IL1RAPL2: variants seen among roughly 807,000 people sequenced by gnomAD.
IL1RAPL2 encodes the protein X-linked interleukin-1 receptor accessory protein-like 2.
Under a neutral mutation model 44.1 loss-of-function variants are expected in IL1RAPL2, and 3 were observed. The observed-to-expected ratio is 0.07, with a 90% CI of 0.03 to 0.18. IL1RAPL2 has a LOEUF of 0.18. Among genes scored for constraint, IL1RAPL2 ranks in the 10% least tolerant of loss-of-function variants. The probability of loss-of-function intolerance (pLI) is 1.00; values close to 1 mark genes in which losing one functional copy is unlikely to be tolerated. For missense variants in IL1RAPL2, 391 were observed against 496.4 expected (o/e 0.79, Z 2.02); for synonymous variants, 181 against 178.8 (o/e 1.01, Z -0.10).
At chrX:105,149,472 T>C (rs2033206747) in intron 2 of IL1RAPL2, among the ~76,000 whole-genome samples, 1 of 111,768 alleles carries the variant, frequency 8.9e-6, no homozygotes, top group African/African-American at 3.3e-5. Context: ...GGGGTAGTAA[T>C]AATAGTACCT....
intron 2 of IL1RAPL2, among the ~76,000 whole-genome samples, chrX:104,917,364 T>A (rs1199735394): frequency 1.8e-5 from 2 of 112,098 alleles, no homozygotes; most frequent in African/African-American, 6.5e-5. Flanking sequence ...ATTTCTGATG[T>A]TATAATGTTC....
At chrX:105,105,960 T>C (rs2032736497) in intron 2 of IL1RAPL2, among the ~76,000 whole-genome samples, 2 of 111,276 alleles carry the variant, frequency 1.8e-5, no homozygotes, top group African/African-American at 3.3e-5. Context: ...GGAAGAGAAG[T>C]AGCCCAAAAG....
intron 6 of IL1RAPL2, among the ~76,000 whole-genome samples, chrX:105,627,638 A>G (rs1415291211): frequency 8.9e-6 from 1 of 112,080 alleles, no homozygotes; most frequent in African/African-American, 3.2e-5. Context: ...TTAAGAATTT[A>G]TGTTGTTACT....
intron 2 of IL1RAPL2, among the ~76,000 whole-genome samples, chrX:104,771,237 T>C (rs926361146): frequency 2.7e-5 from 3 of 111,545 alleles, no homozygotes; most frequent in African/African-American, 6.6e-5. Flanking sequence ...ACATACCTTC[T>C]ATTTTACCAG....
intron 5 of IL1RAPL2, among the ~76,000 whole-genome samples, chrX:105,285,412 C>T (rs1219039027): frequency 8.9e-6 from 1 of 112,087 alleles, no homozygotes; most frequent in Admixed American, 9.5e-5. Context: ...TTGGAGATGT[C>T]TTTTTAAATT....
intron 2 of IL1RAPL2, among the ~76,000 whole-genome samples, chrX:105,164,656 A>T (rs1280817658): frequency 8.9e-6 from 1 of 112,121 alleles, no homozygotes; most frequent in South Asian, 3.7e-4. Context: ...TTCATGCTCT[A>T]TATCTGCTAT....
intron 2 of IL1RAPL2, among the ~76,000 whole-genome samples, chrX:104,700,883 A>T (rs950477970): frequency 8.9e-6 from 1 of 111,860 alleles, no homozygotes; most frequent in African/African-American, 3.3e-5. Context: ...GTCATAACTA[A>T]AGCTTGTCAG....
intron 5 of IL1RAPL2, among the ~76,000 whole-genome samples, chrX:105,461,424 G>T (rs1000304477): frequency 9.0e-6 from 1 of 111,092 alleles, no homozygotes; most frequent in African/African-American, 3.3e-5. Flanking sequence ...AAATCTATTT[G>T]GTTTAGAGTT....
intron 2 of IL1RAPL2, among the ~76,000 whole-genome samples, chrX:104,894,207 G>A (rs1244793154): frequency 9.0e-6 from 1 of 111,508 alleles, no homozygotes; most frequent in African/African-American, 3.3e-5. Context: ...CTCTCTGGCT[G>A]CCCTTAACAT....
intron 2 of IL1RAPL2, among the ~76,000 whole-genome samples, chrX:104,967,253 G>A (rs898063024): frequency 1.8e-5 from 2 of 111,073 alleles, no homozygotes; most frequent in African/African-American, 6.5e-5. Context: ...TAAATAACAA[G>A]GGGATTATTT....
In IL1RAPL2 at chrX:105,542,729, TTAATTTA is replaced by T. The variant is rs1453997082; in HGVS notation, c.772+58344_772+58350del. ...TTTATTTATTTATTTATTTATTTAT[TTAATTTA>T]TTATTTTTTTTTTTTGAGACGGAGT... On this transcript the variant is annotated intron_variant, in intron 6 of 10. Transcript: ENST00000372582. 8.0e-4 allele frequency among the ~76,000 whole-genome samples: 45 copies of T among 56,417 alleles called. 1 individual carries two copies. The highest frequency in any genetic ancestry group is 1.0e-3 in the Non-Finnish European group (21 of 20,520). The allele number at this position is 56,417 out of a possible 115,157, so 49.0% of individuals were successfully genotyped here.
At chrX:105,578,054 A>G (rs1306758202) in intron 6 of IL1RAPL2, among the ~76,000 whole-genome samples, 5 of 68,476 alleles carry the variant, frequency 7.3e-5, no homozygotes, top group Non-Finnish European at 1.3e-4. Context: ...ACAACAGTCC[A>G]CAGAGTGTGA....
chrX:105,268,711 T>G (rs188379462), intron 5 of IL1RAPL2, among the ~76,000 whole-genome samples: 2 of 111,029 alleles, frequency 1.8e-5, no homozygotes, highest in East Asian at 5.7e-4. Flanking sequence ...GAGTTTGCAG[T>G]GAGCTGAAAT....
intron 2 of IL1RAPL2, among the ~76,000 whole-genome samples, chrX:104,751,760 T>C (rs1251980392): frequency 9.0e-6 from 1 of 111,281 alleles, no homozygotes; most frequent in Admixed American, 9.6e-5. Flanking sequence ...TTTTACATTT[T>C]CCACAAGGAG....
At chrX:105,499,917 G>A (rs770820061) in intron 6 of IL1RAPL2, among the ~76,000 whole-genome samples, 2 of 111,713 alleles carry the variant, frequency 1.8e-5, no homozygotes, top group South Asian at 7.4e-4. Flanking sequence ...GCCAAGATGT[G>A]GAAACAACCT....
chrX:105,286,965 T>C (rs2034576944), intron 5 of IL1RAPL2, among the ~76,000 whole-genome samples: 1 of 111,973 alleles, frequency 8.9e-6, no homozygotes, highest in Non-Finnish European at 1.9e-5. Flanking sequence ...ATATCTGTGC[T>C]CCTATTATAT....
chrX:105,622,176 TG>T (rs751531849), intron 6 of IL1RAPL2, among the ~76,000 whole-genome samples: 2 of 109,772 alleles, frequency 1.8e-5, no homozygotes, highest in East Asian at 5.8e-4. Flanking sequence ...GACAATTAAA[TG>T]TTTTAAAGTA....
At chrX:104,899,099 G>A (rs1172799793) in intron 2 of IL1RAPL2, among the ~76,000 whole-genome samples, 1 of 111,767 alleles carries the variant, frequency 8.9e-6, no homozygotes, top group Non-Finnish European at 1.9e-5. Flanking sequence ...AGCACTACCT[G>A]AGCCATACAT....
chrX:105,232,406 G>C (rs1200831874), intron 3 of IL1RAPL2, among the ~76,000 whole-genome samples: 1 of 112,070 alleles, frequency 8.9e-6, no homozygotes, highest in Non-Finnish European at 1.9e-5. Context: ...TTATTACTCA[G>C]TTATAAAGCA....
Sources: gnomAD v4.1 joint callset for allele counts (sites outside exome capture counted in the v4.1 genomes callset) on GRCh38, gnomAD v4.1.1 for gene constraint, MANE v1.5 for transcripts, NCBI Gene and HGNC (gene_info 2026-07-23, HGNC 2026-07-21) for gene names.